The following PARP14 variants were observed in gnomAD, a reference collection of about 807,000 sequenced individuals.
PARP14 encodes poly(ADP-ribose) polymerase family member 14.
Under a neutral mutation model 154.2 loss-of-function variants are expected in PARP14, and 59 were observed. That is an observed-to-expected ratio of 0.38 (90% CI 0.31 to 0.48). The LOEUF is 0.48. Among genes scored for constraint, PARP14 ranks in the 20% least tolerant of loss-of-function variants. PARP14 has a pLI of 0.98. For synonymous variants in PARP14, 720 were observed against 780.5 expected (o/e 0.92, Z 1.29); for missense variants, 1,734 against 2,131.6 (o/e 0.81, Z 3.67).
chr3:122,727,245 C>T (rs1487590976), intron 15 of PARP14, among the ~76,000 whole-genome samples: 1 of 152,216 alleles, frequency 6.6e-6, no homozygotes, highest in Non-Finnish European at 1.5e-5. Flanking sequence ...GTTTCCACCA[C>T]CGCCCTGGAG....
chr3:122,710,126 CT>C (rs1335883261), intron 9 of PARP14, among the ~76,000 whole-genome samples: 1 of 152,018 alleles, frequency 6.6e-6, no homozygotes, highest in Non-Finnish European at 1.5e-5. Flanking sequence ...GTCATGAATT[CT>C]TTGCCTAAGT....
intron 12 of PARP14, among the ~76,000 whole-genome samples, chr3:122,715,616 A>G (rs541973486): frequency 1.6e-5 from 2 of 127,778 alleles, no homozygotes; most frequent in East Asian, 2.0e-4. Context: ...CTATCTATCT[A>G]TCTATCTATC....
intron 4 of PARP14, among the ~76,000 whole-genome samples, chr3:122,694,815 C>T (rs770505005): frequency 3.5e-4 from 53 of 152,138 alleles, no homozygotes; most frequent in Non-Finnish European, 5.4e-4. Context: ...CCACCACGCC[C>T]GGCCAATACT....
Position 122,700,564 on chromosome 3 carries a change from A to G in PARP14, c.2010A>G (p.Lys670=). 1 of 1,594,636 alleles carries G rather than the reference A, an allele frequency of 6.3e-7. No homozygotes were observed. The highest frequency in any genetic ancestry group is 1.1e-5 in the South Asian group (1 of 88,404). Residue 670 remains lysine (K), a synonymous_variant, in exon 6 of 17, where the codon AAA becomes AAG. Coordinates refer to ENST00000474629, the MANE Select transcript of PARP14 (RefSeq NM_017554.3). ...LLFNFVEQNM[K]IERLVEVKPS... The stretch of plus-strand genomic sequence containing the variant: ...TTAACTTCGTTGAACAAAACATGAA[A>G]ATAGAGAGACTGGTTGAAGTAAAGC...
chr3:122,694,226 G>T (rs949890592), intron 4 of PARP14, among the ~76,000 whole-genome samples: 1 of 152,202 alleles, frequency 6.6e-6, no homozygotes, highest in Non-Finnish European at 1.5e-5. Flanking sequence ...GCTTGGTCTT[G>T]CTTCTGTGAA....
rs1463280958 is a variant in PARP14, at chr3:122,681,350, G to T, written c.187+280G>T. Among the ~76,000 whole-genome samples, 1 of 152,262 alleles carries T rather than the reference G, an allele frequency of 6.6e-6. No individual in the cohort carries two copies. The highest frequency in any genetic ancestry group is 1.5e-5 in the Non-Finnish European group (1 of 68,052). ...ACTCTTTATCCCTCGATCGTTTTCT[G>T]TCTTTCCCTGTTGTGGTGGTGTTAT... On this transcript the variant is annotated intron_variant, in intron 1 of 16. Transcript: ENST00000474629. The surrounding 1 kb of genome is among the most constrained non-coding windows in gnomAD (Gnocchi z 5.5).
intron 5 of PARP14, among the ~76,000 whole-genome samples, chr3:122,697,533 T>C (rs1938816979): frequency 6.6e-6 from 1 of 152,216 alleles, no homozygotes; most frequent in East Asian, 1.9e-4. Flanking sequence ...ATTTTTCTTA[T>C]AGGATATTTC....
intron 4 of PARP14, among the ~76,000 whole-genome samples, chr3:122,694,574 G>A (rs758499622): frequency 7.9e-5 from 12 of 151,994 alleles, no homozygotes; most frequent in South Asian, 2.1e-4. Flanking sequence ...TTGCTCTGTC[G>A]CCCAGGCTGG....
chr3:122,720,472 T>C (rs965965052), intron 15 of PARP14, 84 bp downstream of exon 15: 3 of 1,279,986 alleles, frequency 2.3e-6, no homozygotes, highest in Non-Finnish European at 3.3e-6. Context: ...TTCATTCACT[T>C]CCTATCACAT....
chr3:122,726,019 C>T (rs1488297327), intron 15 of PARP14, among the ~76,000 whole-genome samples: 2 of 152,118 alleles, frequency 1.3e-5, no homozygotes, highest in African/African-American at 4.8e-5. Flanking sequence ...TTCATCATTC[C>T]CCAGACAATG....
intron 9 of PARP14, 87 bp from the exon 10 acceptor site, chr3:122,713,337 A>G: frequency 2.7e-6 from 3 of 1,096,380 alleles, no homozygotes; most frequent in Non-Finnish European, 3.9e-6. Context: ...GAGGGAAGAC[A>G]TCCAAGAGGG....
At position 122,701,279 on chromosome 3, in the gene PARP14, G is replaced by A. The variant is rs761873665; in HGVS notation, c.2725G>A (p.Glu909Lys). 1.1e-5 allele frequency: 17 copies of A among 1,613,818 alleles called. No individual in the cohort carries two copies. The highest frequency in any genetic ancestry group is 1.7e-5 in the Admixed American group (1 of 59,984). Residue 909 changes from glutamate (E) to lysine (K), a missense_variant, in exon 6 of 17, where the codon GAA becomes AAA. Coordinates refer to ENST00000474629, the MANE Select transcript of PARP14 (RefSeq NM_017554.3). The surrounding 1 kb of genome is among the most constrained non-coding windows in gnomAD (Gnocchi z 4.0). Reference sequence around the variant, plus strand: ...TGTGCAACTCAGTCTCTGTCTAGCCGAAAAATACAAGTACCGATCCATAGC... The same window carrying A: ...TGTGCAACTCAGTCTCTGTCTAGCCAAAAAATACAAGTACCGATCCATAGC... Reference protein sequence around the residue: ...RAVQLSLCLAEKYKYRSIAIP... With the variant: ...RAVQLSLCLAKKYKYRSIAIP...
At chr3:122,689,636 C>T (rs1938479949) in intron 3 of PARP14, among the ~76,000 whole-genome samples, 1 of 152,116 alleles carries the variant, frequency 6.6e-6, no homozygotes, top group South Asian at 2.1e-4. Context: ...TTTCCTTATC[C>T]ATCCTTCTCT....
At chr3:122,715,093 T>C (rs1394457962) in intron 12 of PARP14, among the ~76,000 whole-genome samples, 3 of 152,150 alleles carry the variant, frequency 2.0e-5, no homozygotes, top group Non-Finnish European at 4.4e-5. Context: ...GATTTATCAT[T>C]AATTAGGTGG....
chr3:122,713,267 C>A (rs749514037), intron 9 of PARP14, among the ~76,000 whole-genome samples, 157 bp from the exon 10 acceptor site: 7 of 152,174 alleles, frequency 4.6e-5, no homozygotes, highest in Non-Finnish European at 8.8e-5. Flanking sequence ...TTAAACAGAT[C>A]ATCACTGAGG....
intron 1 of PARP14, 109 bp from the exon 2 acceptor site, chr3:122,685,076 C>G: frequency 8.2e-7 from 1 of 1,220,252 alleles, no homozygotes; most frequent in Non-Finnish European, 1.2e-6. Context: ...TCTTGAGAAA[C>G]CGACCAAGCC....
chr3:122,691,418 G>A (rs1043283308), intron 3 of PARP14, among the ~76,000 whole-genome samples: 2 of 152,234 alleles, frequency 1.3e-5, no homozygotes, highest in Non-Finnish European at 2.9e-5. Flanking sequence ...AGAGGAATGA[G>A]TCAGCTGGGT....
At chr3:122,682,474 T>C (rs1432556900) in intron 1 of PARP14, among the ~76,000 whole-genome samples, 2 of 152,188 alleles carry the variant, frequency 1.3e-5, no homozygotes, top group Admixed American at 6.5e-5. Context: ...GTGACCCTAA[T>C]GTGTTCAAGT....
chr3:122,699,845 G>A lies in PARP14; in HGVS notation c.1291G>A (p.Glu431Lys), dbSNP rs1291721653. ...RILIEFDTLK[E>K]MVILAGKSED... ...TTTGATTGAGTTTGATACACTTAAGGAGATGGTAATCTTAGCAGGGAAATC... is the reference window on the plus strand; with the variant it reads ...TTTGATTGAGTTTGATACACTTAAGAAGATGGTAATCTTAGCAGGGAAATC... The change falls in exon 6 of 17, where the codon GAG becomes AAG. Residue 431 changes from glutamate (E) to lysine (K), a missense_variant. Physicochemically the swap from Glu to Lys is moderately conservative, Grantham distance 56. Around this residue, in one of 2 missense-constraint regions of PARP14, gnomAD observed 1,646 missense variants for 1,976.0 expected, o/e 0.83. Transcript: ENST00000474629. The A allele has an allele frequency of 6.2e-7, 1 of 1,613,872 alleles. No individual in the cohort carries two copies. Among genetic ancestry groups the A allele is most frequent in the Admixed American group, 1.7e-5 (1 of 60,024 alleles).
Sources: allele counts gnomAD v4.1 joint callset (sites outside exome capture counted in the v4.1 genomes callset), GRCh38; gene constraint gnomAD v4.1.1; regional missense constraint gnomAD v4.1.1; non-coding constraint Gnocchi (gnomAD v3.1); transcripts MANE v1.5; gene names NCBI Gene and HGNC (gene_info 2026-07-23, HGNC 2026-07-21).